TMPRSS15: variants seen among roughly 807,000 people sequenced by gnomAD.
TMPRSS15 encodes enteropeptidase.
A neutral mutation model predicts 125.3 loss-of-function variants in TMPRSS15; 128 were observed. The observed-to-expected ratio is 1.02, with a 90% CI of 0.89 to 1.18. The LOEUF (loss-of-function observed/expected upper bound fraction) is 1.18. Among genes scored for constraint, TMPRSS15 ranks in the 50% most tolerant of loss-of-function variants. TMPRSS15 has a pLI of 0.00. For synonymous variants in TMPRSS15, 446 were observed against 423.2 expected (o/e 1.05, Z -0.66); for missense variants, 1,283 against 1,212.7 (o/e 1.06, Z -0.86).
rs771901034 is a variant in TMPRSS15 at position 18,294,341 on chromosome 21, G to A, written c.2415C>T (p.Gly805=). The A allele has an allele frequency of 7.4e-5, 119 of 1,614,116 alleles. No individual in the cohort carries two copies. Among genetic ancestry groups the A allele is most frequent in the Non-Finnish European group, 9.7e-5 (114 of 1,180,056 alleles). ...AWPWVVGLYY[G]GRLLCGASLV... ...GAGATGCGCCGCAGAGCAGTCGGCC[G>A]CCATAATACAGACCCACAACCCAGG... The change falls in exon 21 of 25, where the codon GGC becomes GGT. Residue 805 remains glycine, a synonymous_variant. Coordinates refer to ENST00000284885, the MANE Select transcript of TMPRSS15 (RefSeq NM_002772.3).
chr21:18,314,636 A>G (rs181465011), intron 17 of TMPRSS15, among the ~76,000 whole-genome samples: 36 of 152,258 alleles, frequency 2.4e-4, no homozygotes, highest in Middle Eastern at 3.4e-3. Context: ...TGCATGGTAC[A>G]TAGTACGTAA....
At chr21:18,378,343 G>A (rs980468388) in intron 5 of TMPRSS15, among the ~76,000 whole-genome samples, 3 of 151,948 alleles carry the variant, frequency 2.0e-5, no homozygotes, top group African/African-American at 7.2e-5. Flanking sequence ...AATATGTTGT[G>A]GTGCTGTTTG....
At chr21:18,406,910 G>A (rs961486512), upstream of TMPRSS15, among the ~76,000 whole-genome samples, 1 of 152,106 alleles carries the variant, frequency 6.6e-6, no homozygotes, top group Non-Finnish European at 1.5e-5. Context: ...AAATGAAAAA[G>A]TGAAGTGTAT....
intron 3 of TMPRSS15, among the ~76,000 whole-genome samples, chr21:18,385,002 G>C (rs1342339783): frequency 1.3e-5 from 2 of 152,004 alleles, no homozygotes; most frequent in African/African-American, 2.4e-5. Context: ...TTCCTTCTTC[G>C]TGTCCATGGC....
chr21:18,302,872 CATT>C (rs772139415), intron 18 of TMPRSS15, among the ~76,000 whole-genome samples: 4 of 152,184 alleles, frequency 2.6e-5, no homozygotes, highest in Non-Finnish European at 4.4e-5. Context: ...ACCACTTTAA[CATT>C]ATTTCCTTAG....
intron 1 of TMPRSS15, among the ~76,000 whole-genome samples, chr21:18,470,598 T>A (rs1255264502): frequency 6.6e-6 from 1 of 152,116 alleles, no homozygotes; most frequent in Non-Finnish European, 1.5e-5. Flanking sequence ...GTTGTCAAGG[T>A]CTGCCCAGAG....
chr21:18,310,973 A>T (rs1352669777), intron 18 of TMPRSS15, among the ~76,000 whole-genome samples: 4 of 118,334 alleles, frequency 3.4e-5, no homozygotes, highest in African/African-American at 1.1e-4. Flanking sequence ...CACCAAGAAC[A>T]TTCACTGGGG....
intron 10 of TMPRSS15, among the ~76,000 whole-genome samples, chr21:18,346,461 T>C (rs1370151197): frequency 6.6e-6 from 1 of 152,254 alleles, no homozygotes; most frequent in Non-Finnish European, 1.5e-5. Context: ...ACATATTTGT[T>C]AGCTCTACAG....
At chr21:18,285,858 T>TA (rs1484242469) in intron 21 of TMPRSS15, among the ~76,000 whole-genome samples, 1 of 152,226 alleles carries the variant, frequency 6.6e-6, no homozygotes, top group East Asian at 1.9e-4. Flanking sequence ...AGTTTTATTA[T>TA]AAAAGGAGGG....
chr21:18,329,898 TAAG>T (rs1187072313), intron 14 of TMPRSS15, among the ~76,000 whole-genome samples: 1 of 152,036 alleles, frequency 6.6e-6, no homozygotes. Flanking sequence ...CATTCACTCT[TAAG>T]AAATATAATT....
chr21:18,316,452 C>T lies in TMPRSS15; in HGVS notation c.1922-1196G>A, dbSNP rs76911250. 9.1e-4 allele frequency among the ~76,000 whole-genome samples: 138 copies of T among 152,134 alleles called. No individual in the cohort carries two copies. In the East Asian group the frequency reaches 0.023, roughly 25 times the overall value. ...TGGTGAGATCAAAGTTGGATTGGGT[C>T]GGAAACAGAAGGCTCAATTAAAGCT... On this transcript the variant is annotated intron_variant, in intron 16 of 24. Coordinates refer to ENST00000284885, the MANE Select transcript of TMPRSS15 (RefSeq NM_002772.3).
chr21:18,300,955 A>C (rs996851135), intron 18 of TMPRSS15, among the ~76,000 whole-genome samples: 1 of 152,190 alleles, frequency 6.6e-6, no homozygotes, highest in African/African-American at 2.4e-5. Context: ...TTGGAGATAC[A>C]TATACACATG....
chr21:18,443,048 C>A (rs184010231), intron 1 of TMPRSS15, among the ~76,000 whole-genome samples: 13 of 152,272 alleles, frequency 8.5e-5, no homozygotes, highest in Non-Finnish European at 1.5e-4. Context: ...TCCTCCCCAA[C>A]CTCCAACTAT....
chr21:18,408,398 T>C (rs1158958693), upstream of TMPRSS15, among the ~76,000 whole-genome samples: 1 of 152,198 alleles, frequency 6.6e-6, no homozygotes, highest in Non-Finnish European at 1.5e-5. Context: ...GTTACATTTT[T>C]AGAAACTAAT....
At chr21:18,382,110 G>A (rs1234894254) in intron 4 of TMPRSS15, among the ~76,000 whole-genome samples, 3 of 152,096 alleles carry the variant, frequency 2.0e-5, no homozygotes, top group Non-Finnish European at 2.9e-5. Flanking sequence ...GCAGACATTA[G>A]GATCAGACCA....
chr21:18,423,519 C>T (rs2076196634), intron 1 of TMPRSS15, among the ~76,000 whole-genome samples: 1 of 151,608 alleles, frequency 6.6e-6, no homozygotes, highest in Non-Finnish European at 1.5e-5. Context: ...GGCCATTCTC[C>T]TGCCTCAGCC....
At chr21:18,438,578 A>T (rs1226832261) in intron 1 of TMPRSS15, among the ~76,000 whole-genome samples, 1 of 152,198 alleles carries the variant, frequency 6.6e-6, no homozygotes, top group African/African-American at 2.4e-5. Flanking sequence ...GTTAAGGAAC[A>T]GTAATTAATA....
intron 21 of TMPRSS15, among the ~76,000 whole-genome samples, chr21:18,282,258 G>A (rs140905108): frequency 6.6e-6 from 1 of 152,062 alleles, no homozygotes; most frequent in Non-Finnish European, 1.5e-5. Context: ...AAATTGGGTA[G>A]TATATTATAA....
chr21:18,298,485 CAA>C (rs2074931675), intron 18 of TMPRSS15, among the ~76,000 whole-genome samples: 2 of 152,196 alleles, frequency 1.3e-5, no homozygotes, highest in Admixed American at 1.3e-4. Context: ...TCTGTGTGAT[CAA>C]AGACATTGAG....
Sources: allele counts gnomAD v4.1 joint callset (sites outside exome capture counted in the v4.1 genomes callset), GRCh38; gene constraint gnomAD v4.1.1; transcripts MANE v1.5; gene names NCBI Gene and HGNC (gene_info 2026-07-23, HGNC 2026-07-21).